Variants in MDGA2 observed in about 807,000 individuals in gnomAD.
MDGA2 encodes the protein MAM domain-containing glycosylphosphatidylinositol anchor protein 2.
A neutral mutation model predicts 117.8 loss-of-function variants in MDGA2; 40 were observed. That is an observed-to-expected ratio of 0.34 (90% confidence interval 0.26 to 0.44). The LOEUF is 0.44. Ranked by LOEUF, MDGA2 falls within the 20% of genes least tolerant of loss-of-function variation. The pLI, the probability that MDGA2 is intolerant of heterozygous loss-of-function variation, is 1.00. For missense variants in MDGA2, 1,123 were observed against 1,250.6 expected, an observed-to-expected ratio of 0.90 and a Z score of 1.54; for synonymous variants, 452 against 439.0, an observed-to-expected ratio of 1.03 and a Z score of -0.37.
intron 16 of MDGA2, among the ~76,000 whole-genome samples, chr14:46,844,716 C>T (rs928232602): frequency 2.6e-5 from 4 of 152,000 alleles, no homozygotes; most frequent in East Asian, 1.9e-4. Flanking sequence ...CTGCATAATC[C>T]CCATGTTTCA....
chr14:47,543,604 G>A (rs1428116524), intron 1 of MDGA2, among the ~76,000 whole-genome samples: 2 of 152,174 alleles, frequency 1.3e-5, no homozygotes, highest in African/African-American at 4.8e-5. Flanking sequence ...ATAAGTTAAT[G>A]ACCCTTGTTC....
chr14:47,335,988 T>C (rs1206359777), intron 1 of MDGA2, among the ~76,000 whole-genome samples: 2 of 151,416 alleles, frequency 1.3e-5, no homozygotes, highest in Non-Finnish European at 3.0e-5. Context: ...ATTTAGGAAT[T>C]TCAGTAGAGT....
At chr14:46,883,221 A>G (rs1008702198) in intron 10 of MDGA2, among the ~76,000 whole-genome samples, 2 of 152,110 alleles carry the variant, frequency 1.3e-5, no homozygotes, top group African/African-American at 4.8e-5. Flanking sequence ...TTCCAAATTC[A>G]TCATACAGTA....
At chr14:47,018,475 T>A (rs1340482278) in intron 8 of MDGA2, among the ~76,000 whole-genome samples, 1 of 152,076 alleles carries the variant, frequency 6.6e-6, no homozygotes, top group Non-Finnish European at 1.5e-5. Context: ...TCTAGAAATC[T>A]TCAATAATCT....
chr14:46,875,472 T>C (rs1437566218), intron 12 of MDGA2, among the ~76,000 whole-genome samples: 1 of 151,746 alleles, frequency 6.6e-6, no homozygotes, highest in Admixed American at 6.6e-5. Context: ...ACAGGAAATA[T>C]ACATATTTAA....
chr14:47,625,993 A>G (rs180676434), intron 1 of MDGA2, among the ~76,000 whole-genome samples: 3 of 152,222 alleles, frequency 2.0e-5, no homozygotes, highest in Admixed American at 1.3e-4. Flanking sequence ...GTTAATTCCA[A>G]GTTACTGTTT....
At chr14:47,105,335 C>T (rs1214280891) in intron 5 of MDGA2, among the ~76,000 whole-genome samples, 40 of 148,810 alleles carry the variant, frequency 2.7e-4, no homozygotes, top group South Asian at 1.1e-3. Context: ...TATTTCTGTG[C>T]CCCAACCCCT....
Position 46,946,167 on chromosome 14 carries a change from T to C in MDGA2, c.2089+11207A>G, listed in dbSNP as rs538915713. Among the ~76,000 whole-genome samples, 4 of 152,192 alleles carry C rather than the reference T, an allele frequency of 2.6e-5. No individual in the cohort carries two copies. The South Asian group carries it at 8.3e-4, about 32-fold the overall frequency. ...AGGTATGAGATCTAAACTTCTAAATTTCCTTTCTCTTCCTATAGCTTCACT... is the reference window on the plus strand; with the variant it reads ...AGGTATGAGATCTAAACTTCTAAATCTCCTTTCTCTTCCTATAGCTTCACT... On this transcript the variant is annotated intron_variant, in intron 9 of 16. Transcript: ENST00000399232.
intron 1 of MDGA2, among the ~76,000 whole-genome samples, chr14:47,500,060 T>G (rs1392967389): frequency 6.6e-6 from 1 of 152,180 alleles, no homozygotes; most frequent in Non-Finnish European, 1.5e-5. Context: ...ATCATTTGCA[T>G]ATTTTCACAA....
At chr14:47,662,237 T>C (rs1461655462) in intron 1 of MDGA2, among the ~76,000 whole-genome samples, 1 of 152,198 alleles carries the variant, frequency 6.6e-6, no homozygotes, top group Admixed American at 6.5e-5. Context: ...GTTTAGCTAC[T>C]ATTCCATGCA....
rs150276367 is a variant in MDGA2, at chr14:47,249,263, C to T, written c.421-31068G>A. 5.4e-3 allele frequency among the ~76,000 whole-genome samples: 823 copies of T among 152,016 alleles called. 4 individuals carry two copies. The highest frequency in any genetic ancestry group is 0.019 in the African/African-American group (787 of 41,454). On this transcript the variant is annotated intron_variant, in intron 2 of 16. Transcript: ENST00000399232. ...CGATCTCTTGACCTCGTGATCTGCC[C>T]GCCTCAGCCTCCCAAACTGCTGAGA...
intron 1 of MDGA2, among the ~76,000 whole-genome samples, chr14:47,585,033 T>A (rs1399698420): frequency 1.3e-5 from 2 of 151,924 alleles, no homozygotes; most frequent in Non-Finnish European, 2.9e-5. Flanking sequence ...ACAGTTAATA[T>A]CAACTTAAGT....
At chr14:47,086,348 T>A (rs1188428643) in intron 6 of MDGA2, among the ~76,000 whole-genome samples, 2 of 152,030 alleles carry the variant, frequency 1.3e-5, no homozygotes, top group Non-Finnish European at 2.9e-5. Flanking sequence ...TTATATTTGA[T>A]TACATCTATT....
chr14:47,417,767 T>A (rs1335244819), intron 1 of MDGA2, among the ~76,000 whole-genome samples: 1 of 152,156 alleles, frequency 6.6e-6, no homozygotes, highest in Non-Finnish European at 1.5e-5. Context: ...CAGGATGGAC[T>A]GCAGTGGCAC....
chr14:47,185,428 AG>A (rs1884872110), intron 3 of MDGA2, among the ~76,000 whole-genome samples: 1 of 151,584 alleles, frequency 6.6e-6, no homozygotes, highest in African/African-American at 2.4e-5. Context: ...ATGAAGCTAA[AG>A]GTCAGAAAGT....
chr14:47,410,298 T>C lies in MDGA2; in HGVS notation c.281-108748A>G, dbSNP rs117696184. Among the ~76,000 whole-genome samples the C allele has an allele frequency of 3.3e-5, 5 of 152,274 alleles. No individual in the cohort carries two copies. The East Asian group carries it at 9.6e-4, about 29-fold the overall frequency. ...ATGGGAGAGTGAGAGAAAAATGAAGTAGTGATAACTTTGTTTTTCTAGTCT... is the reference window on the plus strand; with the variant it reads ...ATGGGAGAGTGAGAGAAAAATGAAGCAGTGATAACTTTGTTTTTCTAGTCT... On this transcript the variant is annotated intron_variant, in intron 1 of 16. Transcript: ENST00000399232.
At chr14:47,454,441 A>G (rs1028922217) in intron 1 of MDGA2, among the ~76,000 whole-genome samples, 1 of 152,202 alleles carries the variant, frequency 6.6e-6, no homozygotes, top group Non-Finnish European at 1.5e-5. Flanking sequence ...ATATTTCTTT[A>G]ATACTTTAAA....
intron 2 of MDGA2, among the ~76,000 whole-genome samples, chr14:47,236,290 CAAAAAAAAAAAAA>C (rs5808383): frequency 3.0e-5 from 2 of 67,252 alleles, no homozygotes; most frequent in Admixed American, 2.1e-4. Flanking sequence ...GACTCCGCCT[CAAAAAAAAAAAAA>C]AAAAAAAAAA....
chr14:46,957,676 AT>A (rs1376435279), intron 8 of MDGA2, 33 bp from the exon 9 acceptor site: 1 of 1,610,398 alleles, frequency 6.2e-7, no homozygotes, highest in South Asian at 1.1e-5. Flanking sequence ...CAGATGAAAG[AT>A]GTGACTTGCA....
Sources: allele counts gnomAD v4.1 joint callset (sites outside exome capture counted in the v4.1 genomes callset), GRCh38; gene constraint gnomAD v4.1.1; transcripts MANE v1.5; gene names NCBI Gene and HGNC (gene_info 2026-07-23, HGNC 2026-07-21).